The following PRIM2 variants were observed in gnomAD, a reference collection of about 807,000 sequenced individuals.
PRIM2 encodes DNA primase subunit 2.
In PRIM2, 39 loss-of-function variants were observed where a neutral mutation model predicts 67.3. That is an observed-to-expected ratio of 0.58 (90% CI 0.45 to 0.76). PRIM2 has a LOEUF of 0.76. PRIM2 is among the 30% of genes least tolerant of loss of function. PRIM2 has a pLI of 0.00. For missense variants in PRIM2, 398 were observed against 598.7 expected (o/e 0.66, Z 3.50); for synonymous variants, 143 against 198.7 (o/e 0.72, Z 2.36).
the PRIM2 span, among the ~76,000 whole-genome samples, chr6:57,249,591 A>G: frequency 6.6e-6 from 1 of 151,694 alleles, no homozygotes; most frequent in East Asian, 1.9e-4. Context: ...AAAATACAAA[A>G]ATTAGCCTGG....
intron 10 of PRIM2, among the ~76,000 whole-genome samples, chr6:57,552,090 G>C (rs1775416466): frequency 1.3e-5 from 2 of 152,122 alleles, no homozygotes; most frequent in South Asian, 4.1e-4. Flanking sequence ...AATGCAGCCA[G>C]ATTTAGCTAA....
At chr6:57,287,491 C>T in the PRIM2 span, among the ~76,000 whole-genome samples, 5 of 152,094 alleles carry the variant, frequency 3.3e-5, no homozygotes, top group East Asian at 5.8e-4. Context: ...CAATCACCCT[C>T]AAAAAACTAA....
intron 8 of PRIM2, among the ~76,000 whole-genome samples, chr6:57,511,931 G>T (rs1217086721): frequency 6.6e-6 from 1 of 152,214 alleles, no homozygotes; most frequent in Admixed American, 6.5e-5. Flanking sequence ...CACTGTGCAG[G>T]TCTTGGTTAA....
At position 57,595,951 on chromosome 6, in the gene PRIM2, C is replaced by T. The variant is rs1228037060; in HGVS notation, c.1021-5142C>T. ...GAAAGTTCCAGGCTTCTAATTATGGCTTGGTCTTTCTGGTGACCAGCCCCC... is the reference window on the plus strand; with the variant it reads ...GAAAGTTCCAGGCTTCTAATTATGGTTTGGTCTTTCTGGTGACCAGCCCCC... On this transcript the variant is annotated intron_variant, in intron 10 of 13. Transcript: ENST00000615550. Among the ~76,000 whole-genome samples, 4 of 152,042 alleles carry T rather than the reference C, an allele frequency of 2.6e-5. No homozygotes were observed. The East Asian group carries it at 7.7e-4, about 29-fold the overall frequency.
At chr6:57,539,610 CTT>C (rs1775094513) in intron 10 of PRIM2, among the ~76,000 whole-genome samples, 15 of 99,274 alleles carry the variant, frequency 1.5e-4, no homozygotes, top group Admixed American at 2.1e-4. Flanking sequence ...TGATTATATT[CTT>C]TGTGTGTGTG....
intron 7 of PRIM2, among the ~76,000 whole-genome samples, chr6:57,427,814 T>C (rs1391633807): frequency 1.6e-4 from 25 of 152,178 alleles, no homozygotes; most frequent in African/African-American, 5.8e-4. Context: ...AGATCAGAAG[T>C]CAGAATTCTT....
At chr6:57,329,792 A>G (rs774907388) in intron 5 of PRIM2, among the ~76,000 whole-genome samples, 12 of 152,216 alleles carry the variant, frequency 7.9e-5, no homozygotes, top group Non-Finnish European at 1.6e-4. Context: ...CAGCGTGAGA[A>G]CAGACTAATA....
chr6:57,330,363 T>TCC (rs1224297095), intron 5 of PRIM2, among the ~76,000 whole-genome samples: 1 of 98,836 alleles, frequency 1.0e-5, no homozygotes, highest in Non-Finnish European at 2.0e-5. Flanking sequence ...TTTTTTTTGT[T>TCC]TTTGTTTTTT....
the PRIM2 span, among the ~76,000 whole-genome samples, chr6:57,254,293 C>T: frequency 3.9e-5 from 6 of 152,312 alleles, no homozygotes; most frequent in Admixed American, 1.3e-4. Flanking sequence ...ACAGCCCAGT[C>T]GCCACATATA....
chr6:57,637,901 A>T (rs1435874127), intron 13 of PRIM2, among the ~76,000 whole-genome samples: 1 of 152,206 alleles, frequency 6.6e-6, no homozygotes, highest in Non-Finnish European at 1.5e-5. Flanking sequence ...TGCAGAGAAC[A>T]CCACAAAGAT....
chr6:57,436,508 T>C (rs990416966), intron 7 of PRIM2, among the ~76,000 whole-genome samples: 2 of 152,192 alleles, frequency 1.3e-5, no homozygotes, highest in African/African-American at 4.8e-5. Flanking sequence ...TGGACTCCCA[T>C]TGGTAGTCCT....
intron 7 of PRIM2, among the ~76,000 whole-genome samples, chr6:57,493,099 C>A (rs1486995754): frequency 6.6e-6 from 1 of 152,186 alleles, no homozygotes; most frequent in Non-Finnish European, 1.5e-5. Flanking sequence ...GCTTAACAGG[C>A]AGTTCAGACT....
In PRIM2 at chr6:57,567,941, G is replaced by A. The variant is rs1348191195; in HGVS notation, c.1020+30316G>A. On this transcript the variant is annotated intron_variant, in intron 10 of 13. Transcript: ENST00000615550. The stretch of plus-strand genomic sequence containing the variant: ...ATAGTTGACATCTTAAAATGTGAAC[G>A]AAGGTATGTATATGCATTTGGTTTG... Among the ~76,000 whole-genome samples the A allele has an allele frequency of 5.3e-5, 8 of 152,212 alleles. No individual in the cohort carries two copies. In the South Asian group the frequency reaches 8.3e-4, roughly 16 times the overall value.
chr6:57,444,425 T>C (rs9475966), intron 7 of PRIM2, among the ~76,000 whole-genome samples: 1 of 151,824 alleles, frequency 6.6e-6, no homozygotes. Flanking sequence ...AAATTAGCTG[T>C]GTGTAGTGGC....
At chr6:57,602,120 C>T (rs1435182072) in intron 11 of PRIM2, among the ~76,000 whole-genome samples, 2 of 149,298 alleles carry the variant, frequency 1.3e-5, no homozygotes, top group Non-Finnish European at 3.0e-5. Flanking sequence ...AGTGCAATGG[C>T]GCGATCTCGG....
At chr6:57,463,731 T>C (rs1773089442) in intron 7 of PRIM2, among the ~76,000 whole-genome samples, 1 of 152,110 alleles carries the variant, frequency 6.6e-6, no homozygotes, top group Admixed American at 6.6e-5. Context: ...ATTAACAGCA[T>C]CTCAAACCCA....
chr6:57,283,751 C>T, the PRIM2 span, among the ~76,000 whole-genome samples: 1 of 152,076 alleles, frequency 6.6e-6, no homozygotes, highest in African/African-American at 2.4e-5. Flanking sequence ...CTTCTTGATG[C>T]TTCCCATATT....
chr6:57,302,280 G>A, the PRIM2 span, among the ~76,000 whole-genome samples: 1 of 152,204 alleles, frequency 6.6e-6, no homozygotes, highest in Non-Finnish European at 1.5e-5. Flanking sequence ...AATATGGATA[G>A]AGAGATAGAT....
the PRIM2 span, among the ~76,000 whole-genome samples, chr6:57,287,150 G>A: frequency 0.048 from 7,377 of 152,184 alleles, 390 homozygotes; most frequent in African/African-American, 0.13. Context: ...ATGCTTTTAC[G>A]GTGTTGGTAG....
Sources: gnomAD v4.1 joint callset for allele counts (sites outside exome capture counted in the v4.1 genomes callset) on GRCh38, gnomAD v4.1.1 for gene constraint, MANE v1.5 for transcripts, NCBI Gene and HGNC (gene_info 2026-07-23, HGNC 2026-07-21) for gene names.